DOCK2: variants seen among roughly 807,000 people sequenced by gnomAD.
DOCK2 encodes dedicator of cytokinesis 2.
In DOCK2, 87 loss-of-function variants were observed where a neutral mutation model predicts 248.9. That is an observed-to-expected ratio of 0.35 (90% confidence interval 0.29 to 0.42). The LOEUF is 0.42. Ranked by LOEUF, DOCK2 falls within the 10% of genes least tolerant of loss-of-function variation. The probability of loss-of-function intolerance (pLI) is 1.00; values close to 1 mark genes in which losing one functional copy is unlikely to be tolerated. For synonymous variants in DOCK2, 805 were observed against 821.6 expected (o/e 0.98, Z 0.35); for missense variants, 1,747 against 2,300.2 (o/e 0.76, Z 4.92).
chr5:169,986,745 C>T (rs571045222), intron 29 of DOCK2, among the ~76,000 whole-genome samples: 1 of 152,274 alleles, frequency 6.6e-6, no homozygotes, highest in East Asian at 1.9e-4. Context: ...CTTCTCTTTT[C>T]TTTCTCCCTG....
intron 27 of DOCK2, 45 bp downstream of exon 27, chr5:169,840,897 C>T (rs1352350170): frequency 1.3e-6 from 2 of 1,588,672 alleles, no homozygotes; most frequent in Non-Finnish European, 1.7e-6. Flanking sequence ...AGCTCTTCAG[C>T]ATCTAAAAAT....
chr5:169,678,477 CT>C (rs1289584140), intron 6 of DOCK2, among the ~76,000 whole-genome samples: 5 of 152,064 alleles, frequency 3.3e-5, no homozygotes, highest in African/African-American at 1.2e-4. Flanking sequence ...CTCTACCAGG[CT>C]GGTCTTGAAC....
intron 26 of DOCK2, among the ~76,000 whole-genome samples, chr5:169,827,386 A>G (rs1474618217): frequency 3.3e-5 from 5 of 152,210 alleles, no homozygotes; most frequent in Non-Finnish European, 7.3e-5. Flanking sequence ...TAGATGCTGC[A>G]TACTTATCTG....
At position 170,056,737 on chromosome 5, in the gene DOCK2, G is replaced by A. The variant is rs1294363394; in HGVS notation, c.4349G>A (p.Arg1450Lys). 6.2e-7 allele frequency: 1 copy of A among 1,614,034 alleles called. No individual in the cohort carries two copies. Among genetic ancestry groups the A allele is most frequent in the South Asian group, 1.1e-5 (1 of 91,066 alleles). ...QRFHYSRPVR[R>K]GTVDPENEFA... The stretch of plus-strand genomic sequence containing the variant: ...TTCCACTACTCCCGGCCCGTGCGCA[G>A]GGGGACCGTAGACCCAGAGAATGAG... The change falls in exon 43 of 52, where the codon AGG becomes AAG. Residue 1450 changes from arginine to lysine, a missense_variant. Arg to Lys is a conservative substitution (Grantham distance 26). Coordinates refer to ENST00000520908, the MANE Select transcript of DOCK2 (RefSeq NM_004946.3).
In DOCK2 at chr5:169,810,055, C is replaced by G. The variant is rs151180887; in HGVS notation, c.2703+6849C>G. ...TGCTATGAGGAGAGAGATCTTGCTG[C>G]TCTACCCCCCGCCCACCCCAGCACA... On this transcript the variant is annotated intron_variant, in intron 26 of 51. Transcript: ENST00000520908. Among the ~76,000 whole-genome samples the G allele has an allele frequency of 6.2e-4, 95 of 152,266 alleles. 1 individual carries two copies. In the East Asian group the frequency reaches 0.014, roughly 23 times the overall value.
intron 34 of DOCK2, among the ~76,000 whole-genome samples, chr5:170,030,843 C>A (rs1756108687): frequency 6.6e-6 from 1 of 152,212 alleles, no homozygotes; most frequent in African/African-American, 2.4e-5. Context: ...TACACAGGGC[C>A]CCCACTGGGC....
intron 29 of DOCK2, among the ~76,000 whole-genome samples, chr5:169,992,539 A>T (rs1778235101): frequency 6.6e-6 from 1 of 151,350 alleles, no homozygotes; most frequent in Non-Finnish European, 1.5e-5. Context: ...ATCTCGGCTC[A>T]CTGCAACCTC....
chr5:169,971,201 G>T (rs139038821), intron 27 of DOCK2, among the ~76,000 whole-genome samples: 2 of 127,716 alleles, frequency 1.6e-5, no homozygotes, highest in Admixed American at 8.0e-5. Context: ...AAAAAAAAAT[G>T]AGTATGACAT....
rs548451766 is a variant in DOCK2 at position 170,056,210 on chromosome 5, G to T, written c.4296-474G>T. On this transcript the variant is annotated intron_variant, in intron 42 of 51. Transcript: ENST00000520908. ...CTCACCTTCTCAGACAGGCACCCAT[G>T]AGCAGGGGACAATAACTGTGCAGCT... Among the ~76,000 whole-genome samples the T allele has an allele frequency of 2.6e-5, 4 of 152,338 alleles. No homozygotes were observed. The South Asian group carries it at 8.3e-4, about 32-fold the overall frequency.
chr5:169,824,206 T>G (rs1424654672), intron 26 of DOCK2, among the ~76,000 whole-genome samples: 1 of 152,054 alleles, frequency 6.6e-6, no homozygotes, highest in African/African-American at 2.4e-5. Context: ...CCAAGGTAAT[T>G]TATAGATTCA....
intron 2 of DOCK2, among the ~76,000 whole-genome samples, 191 bp downstream of exon 2, chr5:169,654,677 A>G (rs772916136): frequency 4.4e-4 from 67 of 152,246 alleles, no homozygotes; most frequent in Admixed American, 2.0e-4. Flanking sequence ...TTTCATAGCA[A>G]AAGCCTAACT....
chr5:169,789,787 A>G (rs1271410385), intron 25 of DOCK2, among the ~76,000 whole-genome samples: 2 of 152,226 alleles, frequency 1.3e-5, no homozygotes, highest in African/African-American at 4.8e-5. Flanking sequence ...AGTCTGTCTC[A>G]TCTCTCTATC....
intron 21 of DOCK2, among the ~76,000 whole-genome samples, chr5:169,718,084 CA>C (rs1561632494): frequency 2.5e-5 from 3 of 119,370 alleles, no homozygotes; most frequent in African/African-American, 9.7e-5. Context: ...CAAAACAAAA[CA>C]AAAACAGCGG....
At chr5:169,737,159 C>A (rs974699893) in intron 22 of DOCK2, among the ~76,000 whole-genome samples, 1 of 152,058 alleles carries the variant, frequency 6.6e-6, no homozygotes, top group Admixed American at 6.5e-5. Flanking sequence ...AAGCTGTGAC[C>A]TGAATGATGA....
At chr5:170,008,653 A>G in intron 31 of DOCK2, 35 bp from the exon 32 acceptor site, 1 of 1,614,030 alleles carries the variant, frequency 6.2e-7, no homozygotes, top group Non-Finnish European at 8.5e-7. Flanking sequence ...ATCCTCTGAG[A>G]TGGTGCCTGA....
intron 32 of DOCK2, among the ~76,000 whole-genome samples, chr5:170,010,432 G>A (rs1457272451): frequency 4.6e-5 from 7 of 152,172 alleles, no homozygotes; most frequent in Non-Finnish European, 1.0e-4. Context: ...AGGCCCACAC[G>A]ACAGCCGGCA....
intron 27 of DOCK2, among the ~76,000 whole-genome samples, chr5:169,887,248 AG>A (rs1773023943): frequency 6.6e-6 from 1 of 152,212 alleles, no homozygotes. Context: ...CCTTTTCTCC[AG>A]GAAGTTTATG....
chr5:169,843,098 C>G (rs942559716), intron 27 of DOCK2, among the ~76,000 whole-genome samples: 26 of 152,296 alleles, frequency 1.7e-4, no homozygotes, highest in Admixed American at 5.2e-4. Context: ...ATCCAAATAT[C>G]CAGCCAAAAT....
intron 26 of DOCK2, among the ~76,000 whole-genome samples, chr5:169,823,653 C>T (rs1024036378): frequency 1.3e-5 from 2 of 152,200 alleles, no homozygotes; most frequent in Non-Finnish European, 2.9e-5. Context: ...GACAAACCCA[C>T]AGCCAATATC....
Sources: gnomAD v4.1 joint callset for allele counts (sites outside exome capture counted in the v4.1 genomes callset) on GRCh38, gnomAD v4.1.1 for gene constraint, MANE v1.5 for transcripts, NCBI Gene and HGNC (gene_info 2026-07-23, HGNC 2026-07-21) for gene names.